The following ZNF239 variants were observed in gnomAD, a reference collection of about 807,000 sequenced individuals.
ZNF239 encodes zinc finger protein 239.
In ZNF239, 16 loss-of-function variants were observed where a neutral mutation model predicts 27.5. That is an observed-to-expected ratio of 0.58 (90% confidence interval 0.39 to 0.88). The LOEUF is 0.88. Among genes scored for constraint, ZNF239 ranks in the 40% least tolerant of loss-of-function variants. ZNF239 has a pLI of 0.00. For missense variants in ZNF239, 527 were observed against 551.9 expected, an observed-to-expected ratio of 0.95 and a Z score of 0.45; for synonymous variants, 199 against 192.6, an observed-to-expected ratio of 1.03 and a Z score of -0.27.
In ZNF239 at chr10:43,557,340, C is replaced by G. The variant is rs745545272; in HGVS notation, c.740G>C (p.Ser247Thr). Reference sequence around the variant, plus strand: ...TGCCTGATGGATAAGCAGACTCGAGCTCCTTGTGAAGCCCTTCCCACATTG... The same window carrying G: ...TGCCTGATGGATAAGCAGACTCGAGGTCCTTGTGAAGCCCTTCCCACATTG... Reference protein sequence around the residue: ...CEQCGKGFTRSSSLLIHQAVH... With the variant: ...CEQCGKGFTRTSSLLIHQAVH... Residue 247 changes from serine (S) to threonine (T), a missense_variant, in exon 4 of 4, where the codon AGC becomes ACC. Ser to Thr is a moderately conservative substitution (Grantham distance 58). Transcript: ENST00000374446. 1 of 1,614,204 alleles carries G rather than the reference C, an allele frequency of 6.2e-7. No individual in the cohort carries two copies. The highest frequency in any genetic ancestry group is 1.1e-5 in the South Asian group (1 of 91,084).
At position 43,556,374 on chromosome 10, in the gene ZNF239, A is replaced by G. The variant is rs1027838386; in HGVS notation, c.*329T>C. On this transcript the variant is annotated 3_prime_UTR_variant, in exon 4 of 4. Transcript: ENST00000374446. ...AGAGAAACCAGAGTTTCAATTTCTC[A>G]GAGAATGTGAACAAAGGGAAACATG... 1.5e-4 allele frequency: 36 copies of G among 239,260 alleles called. 1 individual carries two copies. In the Admixed American group the frequency reaches 1.6e-3, roughly 10 times the overall value. 14.8% of individuals were successfully genotyped at this position (239,260 alleles called of 1,614,324 possible).
chr10:43,563,999 C>T (rs1287361774), intron 3 of ZNF239, among the ~76,000 whole-genome samples: 12 of 152,234 alleles, frequency 7.9e-5, no homozygotes, highest in Middle Eastern at 3.4e-3. Flanking sequence ...GGGCCTTCAA[C>T]GCCATAACTG....
chr10:43,560,797 T>C (rs1242563577), intron 3 of ZNF239, among the ~76,000 whole-genome samples: 4 of 151,854 alleles, frequency 2.6e-5, no homozygotes, highest in Non-Finnish European at 5.9e-5. Context: ...CACACTCCAA[T>C]ATCATGCTGA....
At chr10:43,565,759 G>A (rs1161998706) in intron 3 of ZNF239, among the ~76,000 whole-genome samples, 15 of 135,576 alleles carry the variant, frequency 1.1e-4, no homozygotes, top group Non-Finnish European at 9.3e-5. Flanking sequence ...AGGTGGCAGT[G>A]AGCCCAGATC....
rs376225020 is a variant in ZNF239 at position 43,557,289 on chromosome 10, T to C, written c.791A>G (p.Lys264Arg). 6.2e-7 allele frequency: 1 copy of C among 1,614,028 alleles called. No homozygotes were observed. The highest frequency in any genetic ancestry group is 1.3e-5 in the African/African-American group (1 of 74,922). The change falls in exon 4 of 4, where the codon AAG becomes AGG. Residue 264 changes from lysine (K) to arginine (R), a missense_variant. Lys to Arg is a conservative substitution (Grantham distance 26, BLOSUM62 2). Coordinates refer to ENST00000374446, the MANE Select transcript of ZNF239 (RefSeq NM_001099282.2). Reference sequence around the variant, plus strand: ...GAAGCCCTTCCCACACTTGTCACACTTATAAGGCTTCTCATCTGTGTGGAC... The same window carrying C: ...GAAGCCCTTCCCACACTTGTCACACCTATAAGGCTTCTCATCTGTGTGGAC... ...QAVHTDEKPYKCDKCGKGFTR... is the reference protein window; with the variant it reads ...QAVHTDEKPYRCDKCGKGFTR...
chr10:43,570,424 C>G (rs916030528), intron 2 of ZNF239: 1 of 985,306 alleles, frequency 1.0e-6, no homozygotes, highest in Non-Finnish European at 1.2e-6. Context: ...GGCTGCTCTT[C>G]CCAACCAGAC....
rs376713663 is a variant in ZNF239 at position 43,556,893 on chromosome 10, A to G, written c.1187T>C (p.Val396Ala). 1 of 1,613,700 alleles carries G rather than the reference A, an allele frequency of 6.2e-7. No homozygotes were observed. The highest frequency in any genetic ancestry group is 1.1e-5 in the South Asian group (1 of 91,064). The stretch of plus-strand genomic sequence containing the variant: ...GTGATAGGGCTTCTCTCCAGTGTGG[A>G]CTCTGAGATGGATGCGAAGATCCGA... The part of the protein sequence containing the change: ...QSSDLRIHLR[V>A]HTGEKPYHCG... The change falls in exon 4 of 4, where the codon GTC (valine) becomes GCC (alanine). Residue 396 changes from valine (V) to alanine (A), a missense_variant. Val to Ala is a moderately conservative substitution (Grantham distance 64, BLOSUM62 0). Coordinates refer to ENST00000374446, the MANE Select transcript of ZNF239 (RefSeq NM_001099282.2).
chr10:43,565,463 A>G (rs1010332295), intron 3 of ZNF239, among the ~76,000 whole-genome samples: 2 of 152,096 alleles, frequency 1.3e-5, no homozygotes, highest in Non-Finnish European at 2.9e-5. Context: ...TTCATACTTA[A>G]TTTTTCTACA....
intron 3 of ZNF239, among the ~76,000 whole-genome samples, chr10:43,565,505 G>A (rs552078425): frequency 6.6e-6 from 1 of 152,178 alleles, no homozygotes; most frequent in South Asian, 2.1e-4. Context: ...TTTTGGCAGG[G>A]AGAGAGTAAT....
chr10:43,570,975 G>A, intron 2 of ZNF239: 5 of 985,274 alleles, frequency 5.1e-6, no homozygotes, highest in Non-Finnish European at 6.0e-6. Flanking sequence ...AGGGAAAGGA[G>A]AAAAGGAAAG....
Position 43,557,124 on chromosome 10 carries a change from T to TA in ZNF239, c.955dup (p.Tyr319LeufsTer2). 1.9e-6 allele frequency: 3 copies of TA among 1,613,128 alleles called. No homozygotes were observed. The African/African-American group carries it at 4.0e-5, about 22-fold the overall frequency. On this transcript the variant is annotated frameshift_variant, in exon 4 of 4. Transcript: ENST00000374446. LOFTEE classifies it high-confidence loss of function. The stretch of plus-strand genomic sequence containing the variant: ...GCTCATACCACACTCCTCACACTCA[T>TA]AGGGCTTCTCTCCAGTGTGGACTCG...
rs1406660216 is a variant in ZNF239, at chr10:43,574,601, T to G, written c.-318A>C. The stretch of plus-strand genomic sequence containing the variant: ...TCCGGATGCTGACCGCTCGCGCGCC[T>G]AGGGCCCCGAAATACAAGTCCCAGC... On this transcript the variant is annotated 5_prime_UTR_variant, in exon 1 of 4. Transcript: ENST00000374446. 1 of 152,248 alleles carries G rather than the reference T, an allele frequency of 6.6e-6. No individual in the cohort carries two copies. 9.4% of individuals were successfully genotyped at this position (152,248 alleles called of 1,614,324 possible).
chr10:43,571,666 C>T (rs1838045961), intron 2 of ZNF239, among the ~76,000 whole-genome samples: 1 of 152,086 alleles, frequency 6.6e-6, no homozygotes. Context: ...TCAAGAGATT[C>T]TCCTGCCTCA....
chr10:43,557,509 TG>T lies in ZNF239; in HGVS notation c.570del (p.Ser191AlafsTer136). ...DHNNCGKILN[T>X]SPDGHPYEKI... Reference sequence around the variant, plus strand: ...TTCTCATATGGATGACCATCTGGGCTGGTGTTAAGTATTTTCCCACAGTTAT... The same window carrying T: ...TTCTCATATGGATGACCATCTGGGCTGTGTTAAGTATTTTCCCACAGTTAT... On this transcript the variant is annotated frameshift_variant, in exon 4 of 4. Coordinates refer to ENST00000374446, the MANE Select transcript of ZNF239 (RefSeq NM_001099282.2). LOFTEE classifies it high-confidence loss of function. 6.2e-7 allele frequency: 1 copy of T among 1,614,234 alleles called. No homozygotes were observed. The highest frequency in any genetic ancestry group is 8.5e-7 in the Non-Finnish European group (1 of 1,180,044).
chr10:43,558,060 C>A lies in ZNF239; in HGVS notation c.20G>T (p.Gly7Val). MASTIT[G>V]SQDCIVNHRG... is the part of the protein sequence containing the mutation. Reference sequence around the variant, plus strand: ...ATGATTCACAATACAATCCTGACTTCCAGTAATTGTACTGGCCATGCCTTC... The same window carrying A: ...ATGATTCACAATACAATCCTGACTTACAGTAATTGTACTGGCCATGCCTTC... Residue 7 changes from glycine to valine, a missense_variant, in exon 4 of 4, where the codon GGA becomes GTA. Physicochemically the swap from Gly to Val is moderately radical, Grantham distance 109. Coordinates refer to ENST00000374446, the MANE Select transcript of ZNF239 (RefSeq NM_001099282.2). 6.2e-7 allele frequency: 1 copy of A among 1,613,722 alleles called. No individual in the cohort carries two copies. Among genetic ancestry groups the A allele is most frequent in the Non-Finnish European group, 8.5e-7 (1 of 1,179,804 alleles).
Position 43,556,386 on chromosome 10 carries a change from CA to C in ZNF239, c.*316del. On this transcript the variant is annotated 3_prime_UTR_variant, in exon 4 of 4. Transcript: ENST00000374446. Reference sequence around the variant, plus strand: ...GTTTCAATTTCTCAGAGAATGTGAACAAAGGGAAACATGCCCTGCTTGAGAA... The same window carrying C: ...GTTTCAATTTCTCAGAGAATGTGAACAAGGGAAACATGCCCTGCTTGAGAA... 2 of 260,596 alleles carry C rather than the reference CA, an allele frequency of 7.7e-6. No individual in the cohort carries two copies. Among genetic ancestry groups the C allele is most frequent in the South Asian group, 1.7e-4 (2 of 11,926 alleles). The allele number at this position is 260,596 out of a possible 1,614,324, so 16.1% of individuals were successfully genotyped here. A position where few individuals can be genotyped will look rare whatever the true frequency, so the allele number is the denominator to read the frequency against.
At chr10:43,574,008 A>C (rs939321995) in intron 1 of ZNF239, among the ~76,000 whole-genome samples, 2 of 152,272 alleles carry the variant, frequency 1.3e-5, no homozygotes, top group African/African-American at 2.4e-5. Flanking sequence ...CTCGGGATGG[A>C]TTTCGGTTGC....
rs4948746 is a variant in ZNF239 at position 43,559,237 on chromosome 10, T to C, written c.-92-1066A>G. Among the ~76,000 whole-genome samples the C allele has an allele frequency of 8.5e-3, 1,291 of 152,250 alleles. 38 individuals are homozygous for C. The highest frequency in any genetic ancestry group is 0.043 in the Admixed American group (656 of 15,292). ...AAACCCTGAAGGGATTGAAAACTAT[T>C]AAAGAATTTTAATTCAGAGTGAAAT... On this transcript the variant is annotated intron_variant, in intron 3 of 3. Transcript: ENST00000374446.
intron 3 of ZNF239, among the ~76,000 whole-genome samples, chr10:43,566,840 G>C (rs1311778160): frequency 6.6e-6 from 1 of 152,076 alleles, no homozygotes; most frequent in Non-Finnish European, 1.5e-5. Flanking sequence ...ACAATTTTCA[G>C]TTAAAATTAC....
Sources: allele counts gnomAD v4.1 joint callset (sites outside exome capture counted in the v4.1 genomes callset), GRCh38; gene constraint gnomAD v4.1.1; transcripts MANE v1.5; gene names NCBI Gene and HGNC (gene_info 2026-07-23, HGNC 2026-07-21).